The following CTTNBP2 variants were observed in gnomAD, a reference collection of about 807,000 sequenced individuals.
CTTNBP2 encodes the protein cortactin binding protein 2.
CTTNBP2 carries 108 observed loss-of-function variants against 156.9 expected under a neutral mutation model. The observed-to-expected ratio is 0.69, with a 90% confidence interval of 0.59 to 0.81. The LOEUF (loss-of-function observed/expected upper bound fraction) is 0.81. Among genes scored for constraint, CTTNBP2 ranks in the 30% least tolerant of loss-of-function variants. The pLI is 0.00. For missense variants in CTTNBP2, 1,924 were observed against 2,035.4 expected, an observed-to-expected ratio of 0.95 and a Z score of 1.05; for synonymous variants, 767 against 751.8, an observed-to-expected ratio of 1.02 and a Z score of -0.33.
Position 117,773,684 on chromosome 7 carries a change from CA to C in CTTNBP2, c.2778+3826del, listed in dbSNP as rs1562992323. 6.6e-4 allele frequency among the ~76,000 whole-genome samples: 99 copies of C among 150,542 alleles called. 1 individual carries two copies. The highest frequency in any genetic ancestry group is 2.3e-3 in the African/African-American group (95 of 40,918). On this transcript the variant is annotated intron_variant, in intron 8 of 22. Coordinates refer to ENST00000160373, the MANE Select transcript of CTTNBP2 (RefSeq NM_033427.3). Reference sequence around the variant, plus strand: ...ACACACACACACACACACACACACACACACACACACACACACACACACACCC... The same window carrying C: ...ACACACACACACACACACACACACACCACACACACACACACACACACACCC...
chr7:117,869,855 AATATTCC>A (rs529045609), intron 1 of CTTNBP2, among the ~76,000 whole-genome samples: 92 of 152,334 alleles, frequency 6.0e-4, no homozygotes, highest in Non-Finnish European at 1.2e-3. Context: ...TCTTTGGAAA[AATATTCC>A]AGTCAATTTC....
At chr7:117,767,725 G>C (rs899739207) in intron 8 of CTTNBP2, among the ~76,000 whole-genome samples, 3 of 152,120 alleles carry the variant, frequency 2.0e-5, no homozygotes, top group Admixed American at 6.5e-5. Context: ...TGAGATTTTA[G>C]AAAAACATTC....
chr7:117,781,490 C>T (rs34338088), intron 6 of CTTNBP2, among the ~76,000 whole-genome samples: 2,483 of 152,232 alleles, frequency 0.016, 23 homozygotes, highest in South Asian at 0.031. Flanking sequence ...CATGTAATCC[C>T]AGCACTTTGG....
chr7:117,750,355 T>G (rs1356970211), intron 12 of CTTNBP2, among the ~76,000 whole-genome samples: 1 of 152,206 alleles, frequency 6.6e-6, no homozygotes, highest in South Asian at 2.1e-4. Context: ...CAATTTAAAA[T>G]TTCATTGAAA....
At chr7:117,835,987 G>A (rs1209647187) in intron 2 of CTTNBP2, among the ~76,000 whole-genome samples, 2 of 152,074 alleles carry the variant, frequency 1.3e-5, no homozygotes, top group East Asian at 1.9e-4. Flanking sequence ...AAGAAGTAAC[G>A]TACAGCACAG....
chr7:117,872,019 A>G (rs917097600), intron 1 of CTTNBP2: 1 of 955,924 alleles, frequency 1.0e-6, no homozygotes, highest in African/African-American at 1.8e-5. Context: ...ATAAGTGGGC[A>G]GGTTTCGTTT....
chr7:117,851,459 A>G (rs2117193118), intron 2 of CTTNBP2, among the ~76,000 whole-genome samples: 1 of 152,236 alleles, frequency 6.6e-6, no homozygotes, highest in East Asian at 1.9e-4. Flanking sequence ...CCATACTTTA[A>G]TTAACATCAA....
intron 8 of CTTNBP2, among the ~76,000 whole-genome samples, chr7:117,774,044 T>C (rs1797962651): frequency 6.6e-6 from 1 of 152,170 alleles, no homozygotes; most frequent in East Asian, 1.9e-4. Context: ...GAAACTAACA[T>C]GTCAATGGTT....
At chr7:117,775,305 G>C (rs1798032661) in intron 8 of CTTNBP2, among the ~76,000 whole-genome samples, 1 of 152,066 alleles carries the variant, frequency 6.6e-6, no homozygotes, top group African/African-American at 2.4e-5. Context: ...AAACACAGGA[G>C]AGTCATAGTC....
At chr7:117,779,337 CTTATTA>C in intron 7 of CTTNBP2, among the ~76,000 whole-genome samples, 1 of 152,250 alleles carries the variant, frequency 6.6e-6, no homozygotes, top group South Asian at 2.1e-4. Flanking sequence ...TTGATACTTT[CTTATTA>C]TAAGGCACAA....
chr7:117,737,350 C>T (rs576119872), intron 14 of CTTNBP2, among the ~76,000 whole-genome samples: 14 of 152,294 alleles, frequency 9.2e-5, no homozygotes, highest in Non-Finnish European at 1.9e-4. Flanking sequence ...ATCTGGTTTT[C>T]TGTAACTGAG....
Position 117,757,943 on chromosome 7 carries a change from C to G in CTTNBP2, c.3200G>C (p.Ser1067Thr), listed in dbSNP as rs574463178. The stretch of plus-strand genomic sequence containing the variant: ...AAAGTCCCACGGGGACTGCGCGAAG[C>G]TCTGACCCACTGACCACGGCACATT... ...LGNVPWSVGQ[S>T]FAQSPWDFMR... Residue 1067 changes from serine (S) to threonine (T), a missense_variant, in exon 11 of 23, where the codon AGC (serine) becomes ACC (threonine). Ser to Thr is a moderately conservative substitution (Grantham distance 58, BLOSUM62 1). Coordinates refer to ENST00000160373, the MANE Select transcript of CTTNBP2 (RefSeq NM_033427.3). The G allele has an allele frequency of 6.2e-7, 1 of 1,613,356 alleles. No homozygotes were observed. The highest frequency in any genetic ancestry group is 8.5e-7 in the Non-Finnish European group (1 of 1,179,794).
intron 14 of CTTNBP2, among the ~76,000 whole-genome samples, chr7:117,737,833 C>T (rs923699730): frequency 6.6e-6 from 1 of 152,204 alleles, no homozygotes; most frequent in African/African-American, 2.4e-5. Flanking sequence ...CCACCTCACC[C>T]TCCCAAAGTG....
chr7:117,792,742 C>G lies in CTTNBP2; in HGVS notation c.454G>C (p.Glu152Gln). 6.2e-7 allele frequency: 1 copy of G among 1,603,244 alleles called. No homozygotes were observed. Among genetic ancestry groups the G allele is most frequent in the Non-Finnish European group, 8.5e-7 (1 of 1,175,120 alleles). ...EKLQLQALEQ[E>Q]HKKLAARLEE... ...AGGCGGGCAGCCAGCTTCTTGTGCT[C>G]TTGCTCAAGGGCTTGTAGCTGAAGC... is the stretch of plus-strand genomic sequence containing the variant. Residue 152 changes from glutamate (E) to glutamine (Q), a missense_variant, in exon 4 of 23, where the codon GAG becomes CAG. By Grantham distance (29) the Glu-to-Gln change is conservative (BLOSUM62 2). Transcript: ENST00000160373. The surrounding 1 kb of genome is among the most constrained non-coding windows in gnomAD (Gnocchi z 4.2).
chr7:117,727,873 T>C (rs1795181454), intron 17 of CTTNBP2, among the ~76,000 whole-genome samples: 1 of 152,148 alleles, frequency 6.6e-6, no homozygotes, highest in South Asian at 2.1e-4. Flanking sequence ...AATTTTCTAA[T>C]AGAGGAAAAA....
intron 1 of CTTNBP2, chr7:117,871,811 A>C: frequency 8.1e-6 from 3 of 371,788 alleles, no homozygotes; most frequent in Non-Finnish European, 1.0e-5. Context: ...ACACACACAC[A>C]CACACACCCT....
At chr7:117,853,273 C>G (rs556760530) in intron 2 of CTTNBP2, among the ~76,000 whole-genome samples, 18 of 152,136 alleles carry the variant, frequency 1.2e-4, no homozygotes, top group Non-Finnish European at 2.6e-4. Context: ...GATAAAACCA[C>G]CCTCTTCCTT....
Position 117,735,011 on chromosome 7 carries a change from G to C in CTTNBP2, c.3778C>G (p.Leu1260Val). 6.2e-7 allele frequency: 1 copy of C among 1,614,172 alleles called. No individual in the cohort carries two copies. Among genetic ancestry groups the C allele is most frequent in the Non-Finnish European group, 8.5e-7 (1 of 1,180,012 alleles). Residue 1260 changes from leucine to valine, a missense_variant, in exon 16 of 23, where the codon CTG (leucine) becomes GTG (valine). Coordinates refer to ENST00000160373, the MANE Select transcript of CTTNBP2 (RefSeq NM_033427.3). ...AKACLQGSDLLVQQHFRWVQL... is the reference protein window; with the variant it reads ...AKACLQGSDLVVQQHFRWVQL... Reference sequence around the variant, plus strand: ...ACCCAGCGGAAATGCTGCTGCACCAGCAAGTCGGAGCCCTGGAGACAGGCC... The same window carrying C: ...ACCCAGCGGAAATGCTGCTGCACCACCAAGTCGGAGCCCTGGAGACAGGCC...
chr7:117,756,504 C>A (rs375539677), intron 12 of CTTNBP2, 51 bp downstream of exon 12: 46 of 1,422,808 alleles, frequency 3.2e-5, no homozygotes, highest in Non-Finnish European at 4.5e-5. Context: ...ACCCAATTTT[C>A]CAGTGGCAGG....
Sources: gnomAD v4.1 joint callset for allele counts (sites outside exome capture counted in the v4.1 genomes callset) on GRCh38, gnomAD v4.1.1 for gene constraint, Gnocchi (gnomAD v3.1) non-coding constraint, MANE v1.5 for transcripts, NCBI Gene and HGNC (gene_info 2026-07-23, HGNC 2026-07-21) for gene names.